The following PREB variants were observed in gnomAD, a reference collection of about 807,000 sequenced individuals.
The protein encoded by PREB is guanine nucleotide-exchange factor SEC12.
Under a neutral mutation model 46.7 loss-of-function variants are expected in PREB, and 29 were observed. The ratio of observed to expected loss-of-function variants is 0.62; its 90% CI spans 0.46 to 0.85. PREB has a LOEUF of 0.85. Ranked by LOEUF, PREB falls within the 40% of genes least tolerant of loss-of-function variation. The pLI is 0.00. For missense variants in PREB, 494 were observed against 528.4 expected (o/e 0.93, Z 0.64); for synonymous variants, 224 against 220.1 (o/e 1.02, Z -0.16).
Position 27,132,077 on chromosome 2 carries a change from G to A in PREB, c.932C>T (p.Ser311Phe). The stretch of plus-strand genomic sequence containing the variant: ...TGTGCCCAGGCCTAGGAAGGTGCCG[G>A]ATTCACTGCAACAAACAATAAAGAG... Reference protein sequence around the residue: ...EVVSCLDVSESGTFLGLGTVT... With the variant: ...EVVSCLDVSEFGTFLGLGTVT... The change falls in exon 7 of 9, where the codon TCC becomes TTC. Residue 311 changes from serine (S) to phenylalanine (F), a missense_variant. Ser to Phe is a radical substitution (Grantham distance 155). Transcript: ENST00000260643. The surrounding 1 kb of genome is among the most constrained non-coding windows in gnomAD (Gnocchi z 4.0). 6.2e-7 allele frequency: 1 copy of A among 1,614,042 alleles called. No individual in the cohort carries two copies.
chr2:27,133,200 G>A lies in PREB; in HGVS notation c.463C>T (p.Pro155Ser). 6.2e-7 allele frequency: 1 copy of A among 1,614,170 alleles called. No individual in the cohort carries two copies. The highest frequency in any genetic ancestry group is 1.3e-5 in the African/African-American group (1 of 75,032). Residue 155 changes from proline to serine, a missense_variant, in exon 3 of 9, where the codon CCA becomes TCA. By Grantham distance (74) the Pro-to-Ser change is moderately conservative. Transcript: ENST00000260643. ...QAVQTDFSSD[P>S]LQKVVCFNHD... is the part of the protein sequence containing the mutation. ...TTGAAGCACACAACTTTCTGCAGTG[G>A]ATCGGAGCTAAAGTCTGTCTGCACC...
chr2:27,133,362 T>A, intron 2 of PREB, 25 bp from the exon 3 acceptor site: 1 of 1,613,116 alleles, frequency 6.2e-7, no homozygotes, highest in Non-Finnish European at 8.5e-7. Context: ...CTTGGCCAGG[T>A]TCCAGGCTTC....
Position 27,131,693 on chromosome 2 carries a change from G to A in PREB, c.1138C>T (p.Leu380=), listed in dbSNP as rs1672279454. Reference sequence around the variant, plus strand: ...TCACGCCGTGAGGGCAACAGATGCAGCTGGCAACGACTGTCCACAGCCACA... The same window carrying A: ...TCACGCCGTGAGGGCAACAGATGCAACTGGCAACGACTGTCCACAGCCACA... ...FSVAVDSRCQ[L]HLLPSRRSVP... Residue 380 remains leucine (L), a synonymous_variant, in exon 8 of 9, where the codon CTG becomes TTG. Transcript: ENST00000260643. 6.2e-7 allele frequency: 1 copy of A among 1,614,026 alleles called. No individual in the cohort carries two copies. Among genetic ancestry groups the A allele is most frequent in the Non-Finnish European group, 8.5e-7 (1 of 1,180,020 alleles).
In PREB at chr2:27,131,786, C is replaced by T. The variant is rs1672286390; in HGVS notation, c.1045G>A (p.Val349Met). ...CGACCCTTCTCAGGTAGAAAGGCCA[C>T]ATCCGTCACCACAATGCCATGGGCC... ...REAHGIVVTD[V>M]AFLPEKGRGP... Residue 349 changes from valine to methionine, a missense_variant, in exon 8 of 9, where the codon GTG becomes ATG. Val to Met is a conservative substitution (Grantham distance 21). Coordinates refer to ENST00000260643, the MANE Select transcript of PREB (RefSeq NM_013388.6). 1 of 1,614,198 alleles carries T rather than the reference C, an allele frequency of 6.2e-7. No individual in the cohort carries two copies.
At position 27,131,033 on chromosome 2, in the gene PREB, A is replaced by C; in HGVS notation, c.*381T>G. ...TGAAGAGGAACTGGCCACAAGGCTG[A>C]GGGGAGGAGGAGAAACTGTTTCTGC... On this transcript the variant is annotated 3_prime_UTR_variant, in exon 9 of 9. Coordinates refer to ENST00000260643, the MANE Select transcript of PREB (RefSeq NM_013388.6). 1.9e-6 allele frequency: 1 copy of C among 530,102 alleles called. No homozygotes were observed. The highest frequency in any genetic ancestry group is 3.4e-6 in the Non-Finnish European group (1 of 295,796). 32.8% of individuals were successfully genotyped at this position (530,102 alleles called of 1,614,324 possible). A position where few individuals can be genotyped will look rare whatever the true frequency, so the allele number is the denominator to read the frequency against.
At chr2:27,131,903 C>A in intron 7 of PREB, 72 bp from the exon 8 acceptor site, 5 of 1,594,254 alleles carry the variant, frequency 3.1e-6, no homozygotes, top group Non-Finnish European at 4.3e-6. Context: ...ATGTTCCCCA[C>A]CCCCAGGATT....
At position 27,132,747 on chromosome 2, in the gene PREB, C is replaced by G; in HGVS notation, c.628-20G>C. ...TACCAACTAGTTAGGAATAAAGATT[C>G]CAAGGATGGACAGTTAGGGGATCCA... On this transcript the variant is annotated intron_variant, in intron 4 of 8. Transcript: ENST00000260643. This position sits in a 1 kb window ranked among gnomAD's most constrained non-coding sequence, Gnocchi z 4.0. 6.2e-7 allele frequency: 1 copy of G among 1,614,104 alleles called. No individual in the cohort carries two copies. The highest frequency in any genetic ancestry group is 8.5e-7 in the Non-Finnish European group (1 of 1,179,978).
Position 27,132,468 on chromosome 2 carries a change from C to T in PREB, c.753-65G>A, listed in dbSNP as rs1457423824. 4 of 1,588,002 alleles carry T rather than the reference C, an allele frequency of 2.5e-6. No homozygotes were observed. Among genetic ancestry groups the T allele is most frequent in the East Asian group, 2.2e-5 (1 of 44,556 alleles). ...GCCCAACCCTCCTCAGAGGTTTGTGCACCACCTGCACCCTGGTCAGACCTG... is the reference window on the plus strand; with the variant it reads ...GCCCAACCCTCCTCAGAGGTTTGTGTACCACCTGCACCCTGGTCAGACCTG... On this transcript the variant is annotated intron_variant, in intron 5 of 8. Transcript: ENST00000260643. The surrounding 1 kb of genome is among the most constrained non-coding windows in gnomAD (Gnocchi z 4.0).
chr2:27,134,115 C>G, intron 1 of PREB, 172 bp downstream of exon 1: 2 of 904,808 alleles, frequency 2.2e-6, no homozygotes, highest in Non-Finnish European at 3.2e-6. Flanking sequence ...CTCTCCTCCG[C>G]CCGCTGAGTT....
At position 27,134,557 on chromosome 2, in the gene PREB, G is replaced by C; in HGVS notation, c.-136C>G. 1 of 1,360,956 alleles carries C rather than the reference G, an allele frequency of 7.3e-7. No homozygotes were observed. The allele number at this position is 1,360,956 out of a possible 1,614,324, so 84.3% of individuals were successfully genotyped here. On this transcript the variant is annotated 5_prime_UTR_variant, in exon 1 of 9. Transcript: ENST00000260643. ...CACTCCCTACCCCTCTCACACCGGGGAGTTGCCAAAACCCTGACCATCAGC... is the reference window on the plus strand; with the variant it reads ...CACTCCCTACCCCTCTCACACCGGGCAGTTGCCAAAACCCTGACCATCAGC...
chr2:27,131,617 G>A (rs955321544), intron 8 of PREB, 55 bp downstream of exon 8: 7 of 1,603,102 alleles, frequency 4.4e-6, no homozygotes, highest in Middle Eastern at 1.7e-4. Flanking sequence ...CGGGGGGCAC[G>A]TTTCTGGTCA....
chr2:27,132,433 C>A lies in PREB; in HGVS notation c.753-30G>T, dbSNP rs538277777. The A allele has an allele frequency of 1.9e-6, 3 of 1,601,842 alleles. No individual in the cohort carries two copies. Among genetic ancestry groups the A allele is most frequent in the South Asian group, 2.2e-5 (2 of 90,144 alleles). ...GGGCCGGATGAGGGGCTATTCAGCT[C>A]CTAGGGCCTGCCCAACCCTCCTCAG... On this transcript the variant is annotated intron_variant, in intron 5 of 8. Transcript: ENST00000260643. The surrounding 1 kb of genome is among the most constrained non-coding windows in gnomAD (Gnocchi z 4.0).
rs754605391 is a variant in PREB at position 27,133,577 on chromosome 2, G to A, written c.280C>T (p.Arg94Cys). 8 of 1,613,946 alleles carry A rather than the reference G, an allele frequency of 5.0e-6. No individual in the cohort carries two copies. The highest frequency in any genetic ancestry group is 4.5e-5 in the East Asian group (2 of 44,898). Residue 94 changes from arginine to cysteine, a missense_variant, in exon 2 of 9, where the codon CGC (arginine) becomes TGC (cysteine). Arg to Cys is a radical substitution (Grantham distance 180). Transcript: ENST00000260643. ...CCCTGCTGTTGATGTGCCTGGAAGC[G>A]CAGGAGCTGACAGTGGGCATCCTGC... is the stretch of plus-strand genomic sequence containing the variant. ...AGQDAHCQLLRFQAHQQQGNK... is the reference protein window; with the variant it reads ...AGQDAHCQLLCFQAHQQQGNK...
At position 27,131,477 on chromosome 2, in the gene PREB, CAGCAGG is replaced by C. The variant is rs781632158; in HGVS notation, c.1185_1190del (p.Leu396_Leu397del). On this transcript the variant is annotated inframe_deletion, in exon 9 of 9. Transcript: ENST00000260643. Reference sequence around the variant, plus strand: ...TGGTCACAATAATAAGCCCGACACACAGCAGGAGCAGGAGCCACACAGGAACACTCC... The same window carrying C: ...TGGTCACAATAATAAGCCCGACACACAGCAGGAGCCACACAGGAACACTCC... The C allele has an allele frequency of 1.6e-5, 25 of 1,581,024 alleles. No individual in the cohort carries two copies. The African/African-American group carries it at 3.3e-4, about 21-fold the overall frequency.
chr2:27,134,146 G>T, intron 1 of PREB, 141 bp downstream of exon 1: 5 of 1,145,570 alleles, frequency 4.4e-6, no homozygotes, highest in Non-Finnish European at 6.0e-6. Context: ...ATTCGCCCCT[G>T]GGCGTCAGGC....
Position 27,131,682 on chromosome 2 carries a change from C to T in PREB, c.1149G>A (p.Leu383=). The T allele has an allele frequency of 1.2e-6, 2 of 1,613,974 alleles. No individual in the cohort carries two copies. Among genetic ancestry groups the T allele is most frequent in the Non-Finnish European group, 1.7e-6 (2 of 1,179,912 alleles). Residue 383 remains leucine, a synonymous_variant, in exon 8 of 9, where the codon TTG becomes TTA. Coordinates refer to ENST00000260643, the MANE Select transcript of PREB (RefSeq NM_013388.6). ...GCCCCAATGACTCACGCCGTGAGGG[C>T]AACAGATGCAGCTGGCAACGACTGT... ...AVDSRCQLHL[L]PSRRSVPVWL...
Position 27,130,757 on chromosome 2 carries a change from T to C in PREB, c.*657A>G, listed in dbSNP as rs1227680560. 3.7e-6 allele frequency: 6 copies of C among 1,611,344 alleles called. No individual in the cohort carries two copies. Among genetic ancestry groups the C allele is most frequent in the East Asian group, 2.2e-5 (1 of 44,826 alleles). On this transcript the variant is annotated 3_prime_UTR_variant, in exon 9 of 9. Coordinates refer to ENST00000260643, the MANE Select transcript of PREB (RefSeq NM_013388.6). ...CAGAAACAGCTGACAAGAGTACCATTTGGGGTCTCAGTTCACTCTTTCCTT... is the reference window on the plus strand; with the variant it reads ...CAGAAACAGCTGACAAGAGTACCATCTGGGGTCTCAGTTCACTCTTTCCTT...
chr2:27,134,273 C>T lies in PREB; in HGVS notation c.135+14G>A. The T allele has an allele frequency of 6.3e-7, 1 of 1,591,200 alleles. No homozygotes were observed. The highest frequency in any genetic ancestry group is 8.5e-7 in the Non-Finnish European group (1 of 1,170,520). ...CCGCAGCAAGACCCAGCCCCAGTGG[C>T]CCTGCGCTCTCACCACGCCATTCTT... On this transcript the variant is annotated intron_variant, in intron 1 of 8. Coordinates refer to ENST00000260643, the MANE Select transcript of PREB (RefSeq NM_013388.6).
In PREB at chr2:27,134,340, G is replaced by A; in HGVS notation, c.82C>T (p.Leu28Phe). The A allele has an allele frequency of 1.2e-6, 2 of 1,611,646 alleles. No individual in the cohort carries two copies. The highest frequency in any genetic ancestry group is 8.5e-7 in the Non-Finnish European group (1 of 1,179,506). Residue 28 changes from leucine (L) to phenylalanine (F), a missense_variant, in exon 1 of 9, where the codon CTC (leucine) becomes TTC (phenylalanine). Leu to Phe is a conservative substitution (Grantham distance 22). Transcript: ENST00000260643. ...GCGCCTCCTCCGCCCGCAGCGATGA[G>A]CAGCCCAGTGCTGGGGTCGACCTGA... The part of the protein sequence containing the change: ...ALQVDPSTGL[L>F]IAAGGGGAAK...
Sources: allele counts gnomAD v4.1 joint callset, GRCh38; gene constraint gnomAD v4.1.1; non-coding constraint Gnocchi (gnomAD v3.1); transcripts MANE v1.5; gene names NCBI Gene and HGNC (gene_info 2026-07-23, HGNC 2026-07-21).